Variants in RSU1 observed in about 807,000 individuals in gnomAD.
The protein encoded by RSU1 is rsu-1.
A neutral mutation model predicts 31.1 loss-of-function variants in RSU1; 26 were observed. That is an observed-to-expected ratio of 0.84 (90% CI 0.61 to 1.16). RSU1 has a LOEUF of 1.16. Ranked by LOEUF, RSU1 falls within the 50% of genes most tolerant of loss-of-function variation. RSU1 has a pLI of 0.00. For synonymous variants in RSU1, 164 were observed against 136.3 expected (o/e 1.20, Z -1.41); for missense variants, 320 against 339.1 (o/e 0.94, Z 0.44).
chr10:16,727,246 A>G (rs1361689159), intron 7 of RSU1: 4 of 427,422 alleles, frequency 9.4e-6, no homozygotes. Context: ...TTTTGTTATA[A>G]TTTCACAGAG....
chr10:16,733,509 A>G (rs1836560726), intron 7 of RSU1, among the ~76,000 whole-genome samples: 1 of 151,798 alleles, frequency 6.6e-6, no homozygotes, highest in African/African-American at 2.4e-5. Context: ...CTCTGTCGCA[A>G]AACAAACAAA....
chr10:16,789,342 G>C (rs1289973830), intron 2 of RSU1, among the ~76,000 whole-genome samples: 3 of 152,160 alleles, frequency 2.0e-5, no homozygotes, highest in East Asian at 1.9e-4. Context: ...AGAAAAACAA[G>C]AGCAGAAAAG....
intron 8 of RSU1, among the ~76,000 whole-genome samples, chr10:16,636,437 G>A (rs1489951335): frequency 6.6e-6 from 1 of 152,162 alleles, no homozygotes; most frequent in Non-Finnish European, 1.5e-5. Context: ...TAAATACCTA[G>A]CATTTTACGA....
At chr10:16,740,900 C>CAAA (rs1414263838) in intron 7 of RSU1, among the ~76,000 whole-genome samples, 1 of 152,146 alleles carries the variant, frequency 6.6e-6, no homozygotes, top group East Asian at 1.9e-4. Context: ...AAATAATCTA[C>CAAA]AAATTCGGTG....
chr10:16,727,149 C>T (rs201013040), intron 7 of RSU1: 526 of 456,544 alleles, frequency 1.2e-3, no homozygotes, highest in Non-Finnish European at 2.0e-3. Flanking sequence ...ATGTGGCCTC[C>T]CATCTTACCT....
At chr10:16,789,171 T>G (rs1030760665) in intron 2 of RSU1, among the ~76,000 whole-genome samples, 2 of 152,214 alleles carry the variant, frequency 1.3e-5, no homozygotes, top group African/African-American at 4.8e-5. Context: ...AACAAACACT[T>G]AGCAGGAGAG....
intron 8 of RSU1, among the ~76,000 whole-genome samples, chr10:16,679,869 GTTTTTTT>G (rs71374699): frequency 0.012 from 1,501 of 124,640 alleles, 20 homozygotes; most frequent in Admixed American, 0.021. Flanking sequence ...AAAGACTCAA[GTTTTTTT>G]TTTTTTTTTT....
chr10:16,702,617 C>T (rs1017215930), intron 7 of RSU1, among the ~76,000 whole-genome samples: 1 of 152,192 alleles, frequency 6.6e-6, no homozygotes, highest in South Asian at 2.1e-4. Context: ...TTTCTTTTGG[C>T]CAATTTCTCC....
chr10:16,718,702 C>T (rs1384594782), intron 7 of RSU1, among the ~76,000 whole-genome samples: 3 of 152,006 alleles, frequency 2.0e-5, no homozygotes, highest in African/African-American at 7.3e-5. Flanking sequence ...AAGTGGTGGC[C>T]CGGCATGGTG....
intron 7 of RSU1, among the ~76,000 whole-genome samples, chr10:16,707,687 G>C (rs1175432195): frequency 6.6e-6 from 1 of 151,374 alleles, no homozygotes. Context: ...TCCGTCAATA[G>C]CTTCCTTTGC....
chr10:16,724,074 G>A (rs1836335237), intron 7 of RSU1, among the ~76,000 whole-genome samples: 2 of 152,034 alleles, frequency 1.3e-5, no homozygotes, highest in African/African-American at 4.8e-5. Context: ...CCCAATAGCT[G>A]GGATTACAGG....
intron 2 of RSU1, among the ~76,000 whole-genome samples, chr10:16,808,194 C>T (rs767660737): frequency 6.6e-5 from 10 of 151,684 alleles, no homozygotes; most frequent in Non-Finnish European, 1.5e-4. Flanking sequence ...AGAGTGAACT[C>T]CAACCGGGCG....
chr10:16,746,286 TGCA>T (rs1156654851), intron 7 of RSU1, among the ~76,000 whole-genome samples: 1 of 152,210 alleles, frequency 6.6e-6, no homozygotes, highest in African/African-American at 2.4e-5. Flanking sequence ...CCCAGGTGTA[TGCA>T]GCGTTGCAGA....
chr10:16,740,123 G>A (rs1053826094), intron 7 of RSU1, among the ~76,000 whole-genome samples: 6 of 152,136 alleles, frequency 3.9e-5, no homozygotes, highest in African/African-American at 1.2e-4. Context: ...CGATAGTCCT[G>A]AAACAAAAAC....
rs565273831 is a variant in RSU1, at chr10:16,816,369, G to A, written c.109+604C>T. On this transcript the variant is annotated intron_variant, in intron 2 of 8. Transcript: ENST00000345264. The stretch of plus-strand genomic sequence containing the variant: ...TGCAATCCCTGGTTTTAAGGGAGAG[G>A]GTAACACCATAGACAGGGGTTACAG... Among the ~76,000 whole-genome samples the A allele has an allele frequency of 5.3e-5, 8 of 152,130 alleles. No homozygotes were observed. The East Asian group carries it at 9.7e-4, about 18-fold the overall frequency.
chr10:16,674,737 T>A (rs1835193279), intron 8 of RSU1, among the ~76,000 whole-genome samples: 3 of 152,094 alleles, frequency 2.0e-5, no homozygotes, highest in Admixed American at 6.6e-5. Flanking sequence ...TAAGGTCATT[T>A]AGAAACTGAA....
At chr10:16,790,373 A>C (rs7912403) in intron 2 of RSU1, among the ~76,000 whole-genome samples, 33,545 of 152,146 alleles carry the variant, frequency 0.22, 3,848 homozygotes, top group African/African-American at 0.26. Context: ...ACACGACCAC[A>C]CAACTTACGG....
At chr10:16,645,036 GA>G (rs1035516328) in intron 8 of RSU1, among the ~76,000 whole-genome samples, 34 of 152,212 alleles carry the variant, frequency 2.2e-4, no homozygotes, top group East Asian at 7.7e-4. Flanking sequence ...TTAAAGGGGG[GA>G]AAAAGCAGTC....
intron 7 of RSU1, among the ~76,000 whole-genome samples, chr10:16,710,257 A>C (rs1835989347): frequency 6.6e-6 from 1 of 152,212 alleles, no homozygotes; most frequent in African/African-American, 2.4e-5. Flanking sequence ...GCATCTACTG[A>C]AATGATCATA....
Sources: gnomAD v4.1 joint callset for allele counts (sites outside exome capture counted in the v4.1 genomes callset) on GRCh38, gnomAD v4.1.1 for gene constraint, MANE v1.5 for transcripts, NCBI Gene and HGNC (gene_info 2026-07-23, HGNC 2026-07-21) for gene names.